The following PCDH15 variants were observed in gnomAD, a reference collection of about 807,000 sequenced individuals.
The protein encoded by PCDH15 is protocadherin-15.
Under a neutral mutation model 178.5 loss-of-function variants are expected in PCDH15, and 129 were observed. The ratio of observed to expected loss-of-function variants is 0.72; its 90% CI spans 0.63 to 0.84. PCDH15 has a LOEUF of 0.84. Among genes scored for constraint, PCDH15 ranks in the 40% least tolerant of loss-of-function variants. The probability of loss-of-function intolerance (pLI) is 0.00; values close to 1 mark genes in which losing one functional copy is unlikely to be tolerated. For synonymous variants in PCDH15, 800 were observed against 732.0 expected, an observed-to-expected ratio of 1.09 and a Z score of -1.50; for missense variants, 2,230 against 2,099.9, an observed-to-expected ratio of 1.06 and a Z score of -1.21.
intron 21 of PCDH15, among the ~76,000 whole-genome samples, chr10:53,976,377 T>C (rs1205627841): frequency 2.6e-5 from 4 of 151,932 alleles, no homozygotes; most frequent in Admixed American, 2.0e-4. Flanking sequence ...GGAGATGGAG[T>C]TGATCTCACA....
chr10:54,083,418 A>G (rs1227858311), intron 16 of PCDH15, among the ~76,000 whole-genome samples: 1 of 152,218 alleles, frequency 6.6e-6, no homozygotes, highest in Non-Finnish European at 1.5e-5. Flanking sequence ...ATTGTTGTAT[A>G]TGCATGTAAT....
chr10:54,341,180 C>T (rs963417225), intron 6 of PCDH15, among the ~76,000 whole-genome samples: 3 of 152,102 alleles, frequency 2.0e-5, no homozygotes, highest in African/African-American at 7.2e-5. Context: ...GCCTAACCAT[C>T]TAGTTGATAT....
At chr10:55,417,815 A>C (rs1838521336) in intron 2 of PCDH15, among the ~76,000 whole-genome samples, 1 of 151,542 alleles carries the variant, frequency 6.6e-6, no homozygotes, top group Admixed American at 6.6e-5. Flanking sequence ...CACCCAGAAC[A>C]CAACAAGAAG....
chr10:55,400,844 G>A (rs1185735346), intron 2 of PCDH15, among the ~76,000 whole-genome samples: 28 of 151,972 alleles, frequency 1.8e-4, no homozygotes. Context: ...TAATTCAGTG[G>A]GACCACAACC....
rs10535301 is a variant in PCDH15, at chr10:55,098,895, TGAGAGAGAGAGA to T, written c.-80+67669_-80+67680del. Among the ~76,000 whole-genome samples, 231 of 120,256 alleles carry T rather than the reference TGAGAGAGAGAGA, an allele frequency of 1.9e-3. 3 individuals carry two copies. The Middle Eastern group carries it at 0.038, about 20-fold the overall frequency. The allele number at this position is 120,256 out of a possible 152,430, so 78.9% of individuals were successfully genotyped here. A position where few individuals can be genotyped will look rare whatever the true frequency, so the allele number is the denominator to read the frequency against. ...ATGTGTTCTTTCATTAAAACTTCAA[TGAGAGAGAGAGA>T]GAGAGAGAGAGAGAGAGAGAGAGAG... is the stretch of plus-strand genomic sequence containing the variant. On this transcript the variant is annotated intron_variant, in intron 2 of 5. Coordinates refer to the PCDH15 transcript ENST00000458638.
intron 2 of PCDH15, among the ~76,000 whole-genome samples, chr10:54,940,822 A>G (rs1838042528): frequency 6.6e-6 from 1 of 151,904 alleles, no homozygotes; most frequent in Non-Finnish European, 1.5e-5. Flanking sequence ...TTTATAGTCT[A>G]TAGTTTATTA....
intron 8 of PCDH15, among the ~76,000 whole-genome samples, chr10:54,274,577 G>A (rs1405540546): frequency 1.3e-5 from 2 of 148,416 alleles, no homozygotes; most frequent in African/African-American, 5.0e-5. Flanking sequence ...TTTTTTGGTG[G>A]GTATAAATGC....
intron 3 of PCDH15, among the ~76,000 whole-genome samples, chr10:54,872,907 C>T (rs899436959): frequency 2.5e-4 from 38 of 151,972 alleles, no homozygotes; most frequent in South Asian, 2.1e-4. Context: ...CCTAGGCAAG[C>T]AGAGGTCACA....
At chr10:54,675,665 G>A (rs574553297) in intron 1 of PCDH15, among the ~76,000 whole-genome samples, 2 of 152,048 alleles carry the variant, frequency 1.3e-5, no homozygotes, top group East Asian at 1.9e-4. Context: ...AATATTTTGC[G>A]ATAATCCTTA....
At chr10:55,613,079 A>C (rs1339876412) in intron 2 of PCDH15, among the ~76,000 whole-genome samples, 1 of 133,950 alleles carries the variant, frequency 7.5e-6, no homozygotes, top group Non-Finnish European at 1.5e-5. Flanking sequence ...GCTGGAGTGC[A>C]GTGGCACAAT....
chr10:55,316,475 T>G (rs2132294493), intron 1 of PCDH15, among the ~76,000 whole-genome samples: 1 of 152,284 alleles, frequency 6.6e-6, no homozygotes. Context: ...AATTTTAATA[T>G]CAGTTGCAGG....
intron 1 of PCDH15, among the ~76,000 whole-genome samples, chr10:54,787,452 T>A (rs551675612): frequency 6.6e-6 from 1 of 152,118 alleles, no homozygotes; most frequent in Admixed American, 6.6e-5. Flanking sequence ...AACAATAGTG[T>A]CAAAATTCTA....
intron 2 of PCDH15, among the ~76,000 whole-genome samples, chr10:55,507,377 AAC>A (rs970788731): frequency 2.0e-5 from 3 of 150,924 alleles, no homozygotes; most frequent in African/African-American, 4.9e-5. Context: ...CACATACACA[AAC>A]ACACACACGC....
intron 3 of PCDH15, among the ~76,000 whole-genome samples, chr10:54,849,887 A>G (rs1308610079): frequency 6.6e-6 from 1 of 152,182 alleles, no homozygotes; most frequent in East Asian, 1.9e-4. Flanking sequence ...TTCAGTTAAT[A>G]TCACTTAATA....
chr10:54,269,221 A>G (rs554465333), intron 8 of PCDH15, among the ~76,000 whole-genome samples: 1 of 152,116 alleles, frequency 6.6e-6, no homozygotes, highest in South Asian at 2.1e-4. Context: ...CTGAAAGAAA[A>G]CAAACCAATA....
At chr10:54,668,292 G>A (rs1010391987) in intron 1 of PCDH15, among the ~76,000 whole-genome samples, 1 of 152,044 alleles carries the variant, frequency 6.6e-6, no homozygotes, top group African/African-American at 2.4e-5. Context: ...TATATAAAAT[G>A]TTAAAATGTA....
chr10:55,359,771 C>T (rs7090560), intron 2 of PCDH15, among the ~76,000 whole-genome samples: 58,893 of 135,580 alleles, frequency 0.43, 13,375 homozygotes, highest in Non-Finnish European at 0.5. Flanking sequence ...CACACACACA[C>T]ATATATATAT....
intron 2 of PCDH15, among the ~76,000 whole-genome samples, chr10:54,638,073 TG>T (rs2093903828): frequency 6.6e-6 from 1 of 151,986 alleles, no homozygotes. Context: ...ATGTCCTTCA[TG>T]GAAACAGGGA....
intron 2 of PCDH15, among the ~76,000 whole-genome samples, chr10:55,126,687 G>C (rs1229702460): frequency 1.3e-5 from 2 of 152,070 alleles, no homozygotes; most frequent in Admixed American, 6.6e-5. Context: ...TGAACAAATA[G>C]ATAAACTCAA....
Sources: gnomAD v4.1 joint callset for allele counts (sites outside exome capture counted in the v4.1 genomes callset) on GRCh38, gnomAD v4.1.1 for gene constraint, MANE v1.5 for transcripts, NCBI Gene and HGNC (gene_info 2026-07-23, HGNC 2026-07-21) for gene names.